SLC35F3: variants seen among roughly 807,000 people sequenced by gnomAD.
SLC35F3 encodes solute carrier family 35 member F3, also known as putative thiamine transporter SLC35F3.
SLC35F3 carries 25 observed loss-of-function variants against 49.9 expected under a neutral mutation model. The observed-to-expected ratio is 0.50, with a 90% CI of 0.37 to 0.70. The LOEUF (loss-of-function observed/expected upper bound fraction) is 0.70. Ranked by LOEUF, SLC35F3 falls within the 30% of genes least tolerant of loss-of-function variation. SLC35F3 has a pLI of 0.00. For synonymous variants in SLC35F3, 275 were observed against 265.4 expected (o/e 1.04, Z -0.35); for missense variants, 525 against 639.8 (o/e 0.82, Z 1.94).
chr1:234,255,268 A>T (rs866278421), intron 3 of SLC35F3, among the ~76,000 whole-genome samples: 1 of 152,260 alleles, frequency 6.6e-6, no homozygotes, highest in Non-Finnish European at 1.5e-5. Flanking sequence ...ATGTCATGTC[A>T]TCAGAGAATT....
At chr1:234,192,955 A>G (rs1481173084) in intron 2 of SLC35F3, among the ~76,000 whole-genome samples, 3 of 152,198 alleles carry the variant, frequency 2.0e-5, no homozygotes, top group African/African-American at 7.2e-5. Context: ...AGACAACACA[A>G]ACAAATGGAA....
At chr1:234,197,744 G>A (rs1191481223) in intron 2 of SLC35F3, among the ~76,000 whole-genome samples, 1 of 152,238 alleles carries the variant, frequency 6.6e-6, no homozygotes, top group African/African-American at 2.4e-5. Context: ...GTGGGGCATA[G>A]CAGAGATGCT....
At chr1:234,127,049 G>A (rs1474806288) in intron 2 of SLC35F3, among the ~76,000 whole-genome samples, 1 of 152,168 alleles carries the variant, frequency 6.6e-6, no homozygotes, top group Non-Finnish European at 1.5e-5. Flanking sequence ...CCTACAACAT[G>A]CAACTTTCTA....
chr1:233,978,529 G>C (rs1663128849), intron 2 of SLC35F3, among the ~76,000 whole-genome samples: 1 of 152,186 alleles, frequency 6.6e-6, no homozygotes, highest in Admixed American at 6.5e-5. Context: ...ACAATAAACA[G>C]CTGAAGTCTT....
intron 2 of SLC35F3, among the ~76,000 whole-genome samples, chr1:233,994,888 T>A (rs1472874268): frequency 6.6e-6 from 1 of 151,764 alleles, no homozygotes; most frequent in Non-Finnish European, 1.5e-5. Flanking sequence ...AAATTTGAAA[T>A]TACATCATAA....
At chr1:234,268,068 G>A (rs1253453772) in intron 3 of SLC35F3, among the ~76,000 whole-genome samples, 1 of 152,044 alleles carries the variant, frequency 6.6e-6, no homozygotes, top group African/African-American at 2.4e-5. Context: ...CCGGGCAGAG[G>A]CTGCAATCTC....
intron 3 of SLC35F3, among the ~76,000 whole-genome samples, chr1:234,282,025 A>G (rs1412525781): frequency 6.6e-6 from 1 of 152,052 alleles, no homozygotes; most frequent in Non-Finnish European, 1.5e-5. Context: ...CGTCTTGTGA[A>G]GTGGGATCCT....
chr1:234,020,768 G>T (rs902644153), intron 2 of SLC35F3, among the ~76,000 whole-genome samples: 3 of 152,014 alleles, frequency 2.0e-5, no homozygotes, highest in African/African-American at 7.3e-5. Flanking sequence ...CTGGAAAATG[G>T]CTTCAAAATC....
intron 2 of SLC35F3, among the ~76,000 whole-genome samples, chr1:233,968,178 T>C (rs958717670): frequency 6.6e-6 from 1 of 152,138 alleles, no homozygotes; most frequent in African/African-American, 2.4e-5. Context: ...TGTGGATCCA[T>C]CACTCCAATC....
chr1:234,215,443 G>A (rs946297949), intron 2 of SLC35F3, among the ~76,000 whole-genome samples: 1 of 152,212 alleles, frequency 6.6e-6, no homozygotes, highest in Non-Finnish European at 1.5e-5. Flanking sequence ...GAGGTGGAAT[G>A]ACTAACTCCC....
chr1:234,266,741 A>G (rs966103422), intron 3 of SLC35F3, among the ~76,000 whole-genome samples: 2 of 152,218 alleles, frequency 1.3e-5, no homozygotes, highest in Non-Finnish European at 2.9e-5. Context: ...CTGTAACACA[A>G]TGGTAAGTAT....
At chr1:234,300,043 T>A (rs1668669489) in intron 3 of SLC35F3, among the ~76,000 whole-genome samples, 1 of 151,674 alleles carries the variant, frequency 6.6e-6, no homozygotes, top group South Asian at 2.1e-4. Context: ...TAAAAAAATA[T>A]AACTATGACA....
intron 2 of SLC35F3, among the ~76,000 whole-genome samples, chr1:234,002,375 C>A (rs1031002425): frequency 6.6e-6 from 1 of 152,114 alleles, no homozygotes; most frequent in East Asian, 1.9e-4. Flanking sequence ...GCCATCATGT[C>A]CCCTTAGATT....
chr1:234,301,949 A>G (rs1668698968), intron 3 of SLC35F3, among the ~76,000 whole-genome samples: 2 of 152,164 alleles, frequency 1.3e-5, no homozygotes, highest in African/African-American at 2.4e-5. Context: ...ACAGAAAACC[A>G]AACACCCCAC....
chr1:233,938,634 A>G (rs546258783), intron 2 of SLC35F3, among the ~76,000 whole-genome samples: 2 of 151,404 alleles, frequency 1.3e-5, no homozygotes, highest in African/African-American at 2.4e-5. Flanking sequence ...GGATAGATGG[A>G]TGGATGGATG....
intron 2 of SLC35F3, among the ~76,000 whole-genome samples, chr1:234,143,286 TTC>T (rs1258189427): frequency 1.9e-4 from 22 of 118,578 alleles, no homozygotes; most frequent in African/African-American, 8.7e-4. Flanking sequence ...TTCTTTTCTT[TTC>T]TTTTTTTTTT....
Position 234,299,306 on chromosome 1 carries a change from G to A in SLC35F3, c.609-9795G>A, listed in dbSNP as rs1278310144. 2.6e-5 allele frequency among the ~76,000 whole-genome samples: 4 copies of A among 152,118 alleles called. No homozygotes were observed. In the South Asian group the frequency reaches 6.2e-4, roughly 24 times the overall value. On this transcript the variant is annotated intron_variant, in intron 3 of 7. Transcript: ENST00000366618. Reference sequence around the variant, plus strand: ...AAACCAGAGTTCAAACCCACCAACTGGGAGAAGCCCTTGTAAACAACCAAT... The same window carrying A: ...AAACCAGAGTTCAAACCCACCAACTAGGAGAAGCCCTTGTAAACAACCAAT...
intron 2 of SLC35F3, among the ~76,000 whole-genome samples, chr1:234,050,555 T>G (rs564272895): frequency 1.3e-5 from 2 of 152,320 alleles, no homozygotes; most frequent in East Asian, 3.9e-4. Context: ...GTCAGATGAG[T>G]AGATTGCAAA....
intron 2 of SLC35F3, among the ~76,000 whole-genome samples, chr1:234,202,783 A>AAAG (rs1224649062): frequency 6.6e-6 from 1 of 152,266 alleles, no homozygotes; most frequent in Non-Finnish European, 1.5e-5. Flanking sequence ...ACACATACTC[A>AAAG]AAGGAAAAGT....
Sources: allele counts gnomAD v4.1 joint callset (sites outside exome capture counted in the v4.1 genomes callset), GRCh38; gene constraint gnomAD v4.1.1; transcripts MANE v1.5; gene names NCBI Gene and HGNC (gene_info 2026-07-23, HGNC 2026-07-21).